The following KCNIP4 variants were observed in gnomAD, a reference collection of about 807,000 sequenced individuals.
KCNIP4 encodes the protein Kv channel-interacting protein 4.
KCNIP4 carries 12 observed loss-of-function variants against 34.0 expected under a neutral mutation model. The observed-to-expected ratio is 0.35, with a 90% CI of 0.23 to 0.57. The LOEUF is 0.57. KCNIP4 is among the 20% of genes least tolerant of loss of function. The probability of loss-of-function intolerance (pLI) is 0.83; values close to 1 mark genes in which losing one functional copy is unlikely to be tolerated. For synonymous variants in KCNIP4, 124 were observed against 102.2 expected, an observed-to-expected ratio of 1.21 and a Z score of -1.29; for missense variants, 238 against 311.7, an observed-to-expected ratio of 0.76 and a Z score of 1.78.
At chr4:21,625,753 T>C (rs1033100146) in intron 1 of KCNIP4, among the ~76,000 whole-genome samples, 1 of 152,172 alleles carries the variant, frequency 6.6e-6, no homozygotes, top group Non-Finnish European at 1.5e-5. Context: ...AATGACTAAA[T>C]GCTAGAGGAA....
At chr4:21,593,803 T>G (rs892966107) in intron 1 of KCNIP4, among the ~76,000 whole-genome samples, 1 of 152,148 alleles carries the variant, frequency 6.6e-6, no homozygotes, top group African/African-American at 2.4e-5. Context: ...TTGAAAAATC[T>G]AGTTCCATAG....
chr4:21,147,090 T>C (rs1316843569), intron 1 of KCNIP4, among the ~76,000 whole-genome samples: 1 of 152,200 alleles, frequency 6.6e-6, no homozygotes, highest in Admixed American at 6.5e-5. Flanking sequence ...CTGTGTCCTC[T>C]GGCTTCCGGT....
chr4:21,863,534 T>G (rs1309094495), intron 1 of KCNIP4, among the ~76,000 whole-genome samples: 1 of 152,100 alleles, frequency 6.6e-6, no homozygotes, highest in Non-Finnish European at 1.5e-5. Flanking sequence ...GGGGAAGGTA[T>G]TGCTTCTCTT....
chr4:21,046,576 C>CTAAT, intron 1 of KCNIP4, among the ~76,000 whole-genome samples: 1 of 72,568 alleles, frequency 1.4e-5, no homozygotes, highest in South Asian at 3.7e-4. Flanking sequence ...GAGTTACTAG[C>CTAAT]TAATTTATTT....
At chr4:21,124,741 T>G (rs1160715713) in intron 1 of KCNIP4, among the ~76,000 whole-genome samples, 1 of 152,076 alleles carries the variant, frequency 6.6e-6, no homozygotes, top group Non-Finnish European at 1.5e-5. Flanking sequence ...CAGCCTCACC[T>G]TGACAGTGCA....
At chr4:21,024,649 T>G (rs970590503) in intron 1 of KCNIP4, among the ~76,000 whole-genome samples, 1 of 152,214 alleles carries the variant, frequency 6.6e-6, no homozygotes, top group African/African-American at 2.4e-5. Flanking sequence ...TATTATTCTC[T>G]GTACTAATTT....
chr4:20,964,521 G>T lies in KCNIP4; in HGVS notation c.62-81812C>A, dbSNP rs140324407. On this transcript the variant is annotated intron_variant, in intron 1 of 8. Coordinates refer to ENST00000382152, the MANE Select transcript of KCNIP4 (RefSeq NM_025221.6). ...AAGCTCAGCAAGATCGTCTTTTTTG[G>T]GGGGGAGGTGGTAATTAACTGAGTG... Among the ~76,000 whole-genome samples the T allele has an allele frequency of 7.2e-3, 1,092 of 152,142 alleles. 15 individuals are homozygous for T. Among genetic ancestry groups the T allele is most frequent in the African/African-American group, 0.025 (1,033 of 41,522 alleles).
At chr4:21,475,910 C>G (rs143145833) in intron 1 of KCNIP4, among the ~76,000 whole-genome samples, 1 of 152,124 alleles carries the variant, frequency 6.6e-6, no homozygotes, top group Non-Finnish European at 1.5e-5. Context: ...ATAAACCATT[C>G]TATCATGAAG....
intron 1 of KCNIP4, among the ~76,000 whole-genome samples, chr4:21,052,629 A>C (rs1489893349): frequency 6.6e-6 from 1 of 152,186 alleles, no homozygotes; most frequent in Non-Finnish European, 1.5e-5. Flanking sequence ...CTTCTCCTGC[A>C]AGGAATTCAT....
intron 1 of KCNIP4, among the ~76,000 whole-genome samples, chr4:21,540,611 A>T (rs1482303665): frequency 6.6e-6 from 1 of 152,136 alleles, no homozygotes; most frequent in African/African-American, 2.4e-5. Context: ...TCTTACTCTT[A>T]AACATGTACA....
At chr4:21,189,636 G>T (rs1489196294) in intron 1 of KCNIP4, among the ~76,000 whole-genome samples, 1 of 151,824 alleles carries the variant, frequency 6.6e-6, no homozygotes, top group Non-Finnish European at 1.5e-5. Context: ...ATTTGCACTT[G>T]TCCTAAGAAA....
intron 1 of KCNIP4, among the ~76,000 whole-genome samples, chr4:21,285,079 T>C (rs1471440280): frequency 1.3e-5 from 2 of 152,174 alleles, no homozygotes; most frequent in Non-Finnish European, 1.5e-5. Context: ...CATTATGGCT[T>C]AGGTTGATCC....
At chr4:21,773,491 G>T (rs1316563845) in intron 1 of KCNIP4, among the ~76,000 whole-genome samples, 2 of 152,098 alleles carry the variant, frequency 1.3e-5, no homozygotes, top group Non-Finnish European at 2.9e-5. Flanking sequence ...GTTTCTCTTT[G>T]ATCTGTCTAA....
chr4:21,341,798 T>C (rs932700954), intron 1 of KCNIP4, among the ~76,000 whole-genome samples: 7 of 152,174 alleles, frequency 4.6e-5, no homozygotes, highest in Non-Finnish European at 8.8e-5. Flanking sequence ...TTGTGGTTTC[T>C]GCTATCACCA....
intron 1 of KCNIP4, among the ~76,000 whole-genome samples, chr4:20,896,491 A>G (rs903748069): frequency 2.0e-5 from 3 of 152,174 alleles, no homozygotes; most frequent in Admixed American, 6.5e-5. Context: ...TTCTGGAAGG[A>G]GAAGACAGAC....
chr4:21,493,586 T>G (rs1477758757), intron 1 of KCNIP4, among the ~76,000 whole-genome samples: 3 of 152,206 alleles, frequency 2.0e-5, no homozygotes, highest in African/African-American at 7.2e-5. Context: ...GGATTAGCCT[T>G]TGAGTTTCTG....
At chr4:21,077,145 T>A (rs912345646) in intron 1 of KCNIP4, among the ~76,000 whole-genome samples, 2 of 151,666 alleles carry the variant, frequency 1.3e-5, no homozygotes, top group African/African-American at 4.8e-5. Flanking sequence ...ATAAAATAAA[T>A]TAAATAAATA....
intron 3 of KCNIP4, among the ~76,000 whole-genome samples, chr4:20,795,859 T>C (rs1361553982): frequency 6.6e-6 from 1 of 152,238 alleles, no homozygotes; most frequent in Non-Finnish European, 1.5e-5. Flanking sequence ...AAGTTCTTTT[T>C]ATTTTTCATA....
intron 1 of KCNIP4, among the ~76,000 whole-genome samples, chr4:21,934,352 T>A (rs56270568): frequency 0.046 from 6,930 of 152,030 alleles, 580 homozygotes; most frequent in African/African-American, 0.16. Flanking sequence ...GTTACTTTCA[T>A]TGCCATCCAA....
Sources: gnomAD v4.1 joint callset for allele counts (sites outside exome capture counted in the v4.1 genomes callset) on GRCh38, gnomAD v4.1.1 for gene constraint, MANE v1.5 for transcripts, NCBI Gene and HGNC (gene_info 2026-07-23, HGNC 2026-07-21) for gene names.